The following XRCC6 variants were observed in gnomAD, a reference collection of about 807,000 sequenced individuals.
The protein encoded by XRCC6 is DNA repair protein Ku70.
A neutral mutation model predicts 65.7 loss-of-function variants in XRCC6; 5 were observed. The ratio of observed to expected loss-of-function variants is 0.08; its 90% CI spans 0.04 to 0.16. The LOEUF is 0.16. XRCC6 is among the 10% of genes least tolerant of loss of function. XRCC6 has a pLI of 1.00. For missense variants in XRCC6, 447 were observed against 738.1 expected, an observed-to-expected ratio of 0.61 and a Z score of 4.57; for synonymous variants, 270 against 270.6, an observed-to-expected ratio of 1.00 and a Z score of 0.02.
intron 1 of XRCC6, chr22:41,621,558 G>A (rs1336204276): frequency 4.7e-5 from 8 of 168,664 alleles, no homozygotes; most frequent in Non-Finnish European, 1.0e-4. Flanking sequence ...TGCGTTTGAG[G>A]CCCGCCTGCG....
At chr22:41,625,635 G>A (rs2067661365) in intron 2 of XRCC6, among the ~76,000 whole-genome samples, 1 of 152,050 alleles carries the variant, frequency 6.6e-6, no homozygotes, top group Non-Finnish European at 1.5e-5. Context: ...TCCTTAGTAG[G>A]AAGGACAGAG....
intron 6 of XRCC6, among the ~76,000 whole-genome samples, chr22:41,638,303 A>G (rs538102348): frequency 6.6e-6 from 1 of 152,134 alleles, no homozygotes; most frequent in Non-Finnish European, 1.5e-5. Context: ...CGATTTTGTC[A>G]TTGTGCAAAC....
Position 41,656,987 on chromosome 22 carries a change from T to C in XRCC6, c.1376T>C (p.Val459Ala). The C allele has an allele frequency of 6.2e-7, 1 of 1,606,706 alleles. No individual in the cohort carries two copies. Among genetic ancestry groups the C allele is most frequent in the Non-Finnish European group, 8.5e-7 (1 of 1,178,174 alleles). Reference protein sequence around the residue: ...TEKIMATPEQVGKMKAIVEKL... With the variant: ...TEKIMATPEQAGKMKAIVEKL... ...AAAATCATGGCAACTCCAGAGCAGG[T>C]GGGCAAGATGAAGGCTATCGTTGAG... is the stretch of plus-strand genomic sequence containing the variant. The change falls in exon 10 of 13, where the codon GTG (valine) becomes GCG (alanine). Residue 459 changes from valine to alanine, a missense_variant. Val to Ala is a moderately conservative substitution (Grantham distance 64, BLOSUM62 0). This residue lies in a region of XRCC6 where 201 missense variants were observed against 374.1 expected (regional missense o/e 0.54). Transcript: ENST00000360079.
At chr22:41,660,748 C>T (rs776651187) in intron 11 of XRCC6, among the ~76,000 whole-genome samples, 2 of 152,140 alleles carry the variant, frequency 1.3e-5, no homozygotes, top group African/African-American at 2.4e-5. Flanking sequence ...TGGTGTTGCC[C>T]AACTCCACTG....
intron 9 of XRCC6, 96 bp downstream of exon 9, chr22:41,653,786 T>G: frequency 1.1e-5 from 16 of 1,421,430 alleles, no homozygotes; most frequent in South Asian, 2.8e-5. Context: ...TCATAGTCTC[T>G]GGGAATGGGG....
Position 41,653,514 on chromosome 22 carries a change from CT to C in XRCC6, c.1130-10del. On this transcript the variant is annotated splice_polypyrimidine_tract_variant and intron_variant, in intron 8 of 12. Coordinates refer to ENST00000360079, the MANE Select transcript of XRCC6 (RefSeq NM_001469.5). The stretch of plus-strand genomic sequence containing the variant: ...CCTTTTTAGGAGGCTAGTCACTGGG[CT>C]TTTTGTTTTCTAGGGAGCTCAACCC... The C allele has an allele frequency of 6.4e-7, 1 of 1,559,124 alleles. No individual in the cohort carries two copies. The highest frequency in any genetic ancestry group is 1.2e-5 in the South Asian group (1 of 83,804).
intron 12 of XRCC6, 22 bp downstream of exon 12, chr22:41,661,466 T>C (rs1319635145): frequency 3.7e-6 from 6 of 1,601,104 alleles, no homozygotes; most frequent in African/African-American, 1.3e-5. Context: ...AATGTGGACA[T>C]GTGGGCTATT....
intron 8 of XRCC6, among the ~76,000 whole-genome samples, chr22:41,651,377 T>A (rs2067994038): frequency 1.3e-5 from 1 of 77,974 alleles, no homozygotes; most frequent in African/African-American, 8.8e-5. Context: ...TTTTTTTTTT[T>A]TTTTTTTTTT....
chr22:41,628,622 A>G (rs776334834), intron 3 of XRCC6, among the ~76,000 whole-genome samples: 1 of 152,188 alleles, frequency 6.6e-6, no homozygotes, highest in Non-Finnish European at 1.5e-5. Flanking sequence ...TGGTTGGGGA[A>G]GATGGCTACA....
chr22:41,656,632 T>C (rs2147113479), intron 9 of XRCC6, among the ~76,000 whole-genome samples: 1 of 152,286 alleles, frequency 6.6e-6, no homozygotes, highest in Middle Eastern at 3.4e-3. Context: ...GTTTCAGGTA[T>C]CCTCCCGGGT....
intron 9 of XRCC6, among the ~76,000 whole-genome samples, chr22:41,654,641 GCCTGATAAC>G (rs2068028748): frequency 6.6e-6 from 1 of 152,152 alleles, no homozygotes; most frequent in Admixed American, 6.5e-5. Flanking sequence ...ACTAAAATCA[GCCTGATAAC>G]TCTTACCTGT....
chr22:41,636,405 G>A, intron 4 of XRCC6, 111 bp from the exon 5 acceptor site: 1 of 1,501,282 alleles, frequency 6.7e-7, no homozygotes, highest in Non-Finnish European at 8.9e-7. Context: ...TTTGTTAAAT[G>A]GGTTAAACAG....
intron 11 of XRCC6, among the ~76,000 whole-genome samples, chr22:41,660,159 G>C (rs28384778): frequency 6.6e-6 from 1 of 152,144 alleles, no homozygotes; most frequent in East Asian, 1.9e-4. Context: ...TGGCAAATAC[G>C]GGCATGTGAG....
intron 3 of XRCC6, 50 bp from the exon 4 acceptor site, chr22:41,636,063 G>A: frequency 6.6e-7 from 1 of 1,520,598 alleles, no homozygotes; most frequent in Non-Finnish European, 8.8e-7. Flanking sequence ...GAGCACTTAT[G>A]GAGCTTCCAT....
chr22:41,626,964 C>G (rs1232834457), intron 2 of XRCC6, among the ~76,000 whole-genome samples: 2 of 152,072 alleles, frequency 1.3e-5, no homozygotes, highest in African/African-American at 4.8e-5. Context: ...TCAGTAGACA[C>G]AGGGTTTAAC....
chr22:41,628,709 G>A (rs1276793707), intron 3 of XRCC6, among the ~76,000 whole-genome samples: 2 of 152,202 alleles, frequency 1.3e-5, no homozygotes, highest in African/African-American at 4.8e-5. Flanking sequence ...GGTGGCTCAT[G>A]TCTATAATCC....
At chr22:41,624,889 C>T (rs978138686) in intron 2 of XRCC6, among the ~76,000 whole-genome samples, 5 of 149,990 alleles carry the variant, frequency 3.3e-5, no homozygotes, top group African/African-American at 4.9e-5. Context: ...CCCAGCTACT[C>T]GGGAGGCTGA....
chr22:41,630,418 A>C (rs924904402), intron 3 of XRCC6, among the ~76,000 whole-genome samples: 1 of 151,898 alleles, frequency 6.6e-6, no homozygotes, highest in African/African-American at 2.4e-5. Flanking sequence ...CACATTGTGA[A>C]TGTATTAAAT....
chr22:41,647,505 C>T (rs1290048200), intron 7 of XRCC6, among the ~76,000 whole-genome samples: 4 of 148,054 alleles, frequency 2.7e-5, no homozygotes, highest in East Asian at 2.1e-4. Flanking sequence ...CACTTGAACC[C>T]GGGAGGCAGA....
Sources: allele counts gnomAD v4.1 joint callset (sites outside exome capture counted in the v4.1 genomes callset), GRCh38; gene constraint gnomAD v4.1.1; regional missense constraint gnomAD v4.1.1; transcripts MANE v1.5; gene names NCBI Gene and HGNC (gene_info 2026-07-23, HGNC 2026-07-21).